Variants in DLG2 observed in about 807,000 individuals in gnomAD.
DLG2 encodes discs large MAGUK scaffold protein 2, also known as disks large homolog 2.
Under a neutral mutation model 132.5 loss-of-function variants are expected in DLG2, and 45 were observed. The observed-to-expected ratio is 0.34, with a 90% CI of 0.27 to 0.44. The LOEUF (loss-of-function observed/expected upper bound fraction) is 0.44, where lower values mean the gene tolerates loss of function less well. DLG2 is among the 20% of genes least tolerant of loss of function. The pLI is 1.00. For missense variants in DLG2, 1,045 were observed against 1,196.9 expected (o/e 0.87, Z 1.87); for synonymous variants, 424 against 419.6 (o/e 1.01, Z -0.13).
At chr11:84,543,490 C>G (rs901459300) in intron 6 of DLG2, among the ~76,000 whole-genome samples, 4 of 152,052 alleles carry the variant, frequency 2.6e-5, no homozygotes, top group African/African-American at 4.8e-5. Flanking sequence ...TGTGATGATT[C>G]GCTGGATGTT....
intron 3 of DLG2, among the ~76,000 whole-genome samples, chr11:85,335,354 C>G (rs1288026503): frequency 6.6e-6 from 1 of 151,852 alleles, no homozygotes; most frequent in Non-Finnish European, 1.5e-5. Flanking sequence ...ACAGTTGGGT[C>G]TTTCTTCTTT....
intron 18 of DLG2, among the ~76,000 whole-genome samples, chr11:83,740,729 GA>G (rs1356957416): frequency 6.6e-6 from 1 of 152,164 alleles, no homozygotes; most frequent in African/African-American, 2.4e-5. Flanking sequence ...AGCAATGAGT[GA>G]AAAAGTTACT....
At position 85,111,721 on chromosome 11, in the gene DLG2, T is replaced by C; in HGVS notation, c.297A>G (p.Arg99=). 1 of 1,558,806 alleles carries C rather than the reference T, an allele frequency of 6.4e-7. No individual in the cohort carries two copies. Among genetic ancestry groups the C allele is most frequent in the African/African-American group, 1.4e-5 (1 of 73,378 alleles). The change falls in exon 6 of 28, where the codon AGA becomes AGG. Residue 99 remains arginine (R), a synonymous_variant. Coordinates refer to ENST00000376104, the MANE Select transcript of DLG2 (RefSeq NM_001142699.3). The part of the protein sequence containing the change: ...TDETTTQNQG[R]CPAQNCSVEA... ...CCACTGAACAATTCTGGGCTGGGCA[T>C]CTGCCTTGGTTTTGCTGCAAATAAG...
At chr11:84,999,636 T>C (rs958269729) in intron 6 of DLG2, among the ~76,000 whole-genome samples, 1 of 152,166 alleles carries the variant, frequency 6.6e-6, no homozygotes, top group African/African-American at 2.4e-5. Context: ...TGTCTGTTTT[T>C]GTGGTTTTTA....
At chr11:84,554,602 C>T (rs892034458) in intron 6 of DLG2, among the ~76,000 whole-genome samples, 9 of 151,942 alleles carry the variant, frequency 5.9e-5, no homozygotes, top group South Asian at 2.1e-4. Flanking sequence ...CAAAATTAGC[C>T]GGGCATGGTG....
At chr11:84,635,662 T>C (rs2099639405) in intron 6 of DLG2, among the ~76,000 whole-genome samples, 1 of 152,196 alleles carries the variant, frequency 6.6e-6, no homozygotes, top group Non-Finnish European at 1.5e-5. Context: ...AGCACCTATA[T>C]TTCTAGGCAC....
chr11:84,462,907 G>A (rs2099084283), intron 7 of DLG2, among the ~76,000 whole-genome samples: 1 of 151,216 alleles, frequency 6.6e-6, no homozygotes. Context: ...TTGCAATGAA[G>A]AATGATTTTT....
At chr11:83,731,096 C>T (rs918174401) in intron 18 of DLG2, among the ~76,000 whole-genome samples, 10 of 152,142 alleles carry the variant, frequency 6.6e-5, no homozygotes, top group Admixed American at 1.3e-4. Flanking sequence ...TGGCCCTCTG[C>T]GTTATGTAAT....
At chr11:83,485,383 C>A (rs2093436406) in intron 21 of DLG2, among the ~76,000 whole-genome samples, 1 of 152,060 alleles carries the variant, frequency 6.6e-6, no homozygotes, top group Non-Finnish European at 1.5e-5. Context: ...ATTGGCCATG[C>A]AGGTCTTACT....
intron 8 of DLG2, among the ~76,000 whole-genome samples, chr11:84,179,772 A>G (rs779390255): frequency 2.0e-5 from 3 of 152,220 alleles, no homozygotes; most frequent in Middle Eastern, 3.4e-3. Flanking sequence ...ATAACTGGGG[A>G]AAGGGAAATA....
intron 6 of DLG2, among the ~76,000 whole-genome samples, chr11:85,053,447 A>C (rs1305816021): frequency 6.6e-6 from 1 of 152,030 alleles, no homozygotes; most frequent in African/African-American, 2.4e-5. Flanking sequence ...CATATAGTAT[A>C]AACTTTATCC....
chr11:83,672,639 G>A (rs1160531031), intron 18 of DLG2, among the ~76,000 whole-genome samples: 1 of 152,070 alleles, frequency 6.6e-6, no homozygotes, highest in Non-Finnish European at 1.5e-5. Context: ...TCTATCTCAT[G>A]TTGTCTCCAT....
At chr11:84,156,446 A>G (rs2095431219) in intron 9 of DLG2, among the ~76,000 whole-genome samples, 1 of 152,196 alleles carries the variant, frequency 6.6e-6, no homozygotes, top group African/African-American at 2.4e-5. Context: ...CAGTTTTGCA[A>G]AGATGCTAAA....
rs547250398 is a variant in DLG2 at position 84,229,546 on chromosome 11, T to A, written c.573+21692A>T. Among the ~76,000 whole-genome samples, 11 of 152,302 alleles carry A rather than the reference T, an allele frequency of 7.2e-5. No individual in the cohort carries two copies. In the South Asian group the frequency reaches 2.3e-3, roughly 32 times the overall value. ...TCTCTGAGTGAGCACTTATGTGGTA[T>A]CTTGTTAAAATGCAGGGATCTTGTT... On this transcript the variant is annotated intron_variant, in intron 8 of 27. Transcript: ENST00000376104.
chr11:85,368,580 T>C (rs2084731036), intron 3 of DLG2, among the ~76,000 whole-genome samples: 1 of 152,256 alleles, frequency 6.6e-6, no homozygotes, highest in Non-Finnish European at 1.5e-5. Context: ...TTTTCTCTTG[T>C]CTTCTAGAGT....
At chr11:85,422,319 G>A (rs1293176549) in intron 3 of DLG2, among the ~76,000 whole-genome samples, 1 of 152,090 alleles carries the variant, frequency 6.6e-6, no homozygotes, top group Non-Finnish European at 1.5e-5. Context: ...CAGGAACTCA[G>A]ATTACTCTTA....
At chr11:83,985,158 T>A (rs937777443) in intron 11 of DLG2, among the ~76,000 whole-genome samples, 1 of 152,010 alleles carries the variant, frequency 6.6e-6, no homozygotes, top group Non-Finnish European at 1.5e-5. Context: ...TTGCATAGAC[T>A]CTGTTAAAGC....
chr11:84,798,288 T>C (rs2074927236), intron 6 of DLG2, among the ~76,000 whole-genome samples: 1 of 152,174 alleles, frequency 6.6e-6, no homozygotes, highest in Non-Finnish European at 1.5e-5. Flanking sequence ...TCAAGAAGTT[T>C]CAGTGATGCT....
chr11:84,464,389 A>C (rs995929682), intron 7 of DLG2, among the ~76,000 whole-genome samples: 3 of 151,232 alleles, frequency 2.0e-5, no homozygotes, highest in African/African-American at 7.3e-5. Flanking sequence ...CCAGACAGTA[A>C]ACATGAGTAC....
Sources: allele counts gnomAD v4.1 joint callset (sites outside exome capture counted in the v4.1 genomes callset), GRCh38; gene constraint gnomAD v4.1.1; transcripts MANE v1.5; gene names NCBI Gene and HGNC (gene_info 2026-07-23, HGNC 2026-07-21).